The following STK3 variants were observed in gnomAD, a reference collection of about 807,000 sequenced individuals.
STK3 encodes serine/threonine-protein kinase 3.
Under a neutral mutation model 58.0 loss-of-function variants are expected in STK3, and 41 were observed. The observed-to-expected ratio is 0.71, with a 90% CI of 0.55 to 0.92. The LOEUF (loss-of-function observed/expected upper bound fraction) is 0.92. STK3 is among the 40% of genes least tolerant of loss of function. STK3 has a pLI of 0.00. For missense variants in STK3, 479 were observed against 602.7 expected (o/e 0.79, Z 2.15); for synonymous variants, 170 against 191.0 (o/e 0.89, Z 0.91).
At chr8:98,463,149 ATGAGT>A (rs1352118817) in intron 10 of STK3, 2 of 152,198 alleles carry the variant, frequency 1.3e-5, no homozygotes, top group Non-Finnish European at 2.9e-5. Context: ...TTTCCTTGAT[ATGAGT>A]TATCATTATT....
intron 3 of STK3, among the ~76,000 whole-genome samples, chr8:98,876,686 G>C (rs1353671476): frequency 6.6e-6 from 1 of 152,192 alleles, no homozygotes; most frequent in African/African-American, 2.4e-5. Flanking sequence ...TCTAGGACTG[G>C]AACAATGACT....
intron 10 of STK3, among the ~76,000 whole-genome samples, chr8:98,492,339 G>A (rs541259224): frequency 6.6e-6 from 1 of 152,278 alleles, no homozygotes; most frequent in South Asian, 2.1e-4. Flanking sequence ...GGGCAGGCAG[G>A]ATTTAAAGAG....
At chr8:98,561,373 A>G (rs1334166930) in intron 8 of STK3, among the ~76,000 whole-genome samples, 1 of 152,066 alleles carries the variant, frequency 6.6e-6, no homozygotes, top group African/African-American at 2.4e-5. Flanking sequence ...TGCTTCAAAG[A>G]CCCATATAAC....
chr8:98,791,875 T>C (rs1372268492), intron 1 of STK3, among the ~76,000 whole-genome samples: 1 of 152,164 alleles, frequency 6.6e-6, no homozygotes, highest in South Asian at 2.1e-4. Flanking sequence ...GAAGATAACA[T>C]TGGAAAAACT....
At chr8:98,902,031 C>T (rs117686312) in intron 1 of STK3, among the ~76,000 whole-genome samples, 2,658 of 152,282 alleles carry the variant, frequency 0.017, 38 homozygotes, top group South Asian at 0.03. Context: ...CAATTGAGCA[C>T]TCCCTGGTTC....
intron 1 of STK3, among the ~76,000 whole-genome samples, chr8:98,932,605 G>A (rs1405056016): frequency 6.6e-6 from 1 of 152,226 alleles, no homozygotes; most frequent in Non-Finnish European, 1.5e-5. Flanking sequence ...TAGAGGCACA[G>A]TGGCCTGGAG....
chr8:98,429,512 C>T lies in STK3; in HGVS notation n.483+4615G>A, dbSNP rs532766493. 22 of 847,252 alleles carry T rather than the reference C, an allele frequency of 2.6e-5. No individual in the cohort carries two copies. The East Asian group carries it at 5.3e-4, about 20-fold the overall frequency. 52.5% of individuals were successfully genotyped at this position (847,252 alleles called of 1,614,324 possible). A position where few individuals can be genotyped will look rare whatever the true frequency, so the allele number is the denominator to read the frequency against. On this transcript the variant is annotated intron_variant and non_coding_transcript_variant, in intron 3 of 3. Coordinates refer to the STK3 transcript ENST00000517832. Reference sequence around the variant, plus strand: ...TATGGTTATGGTGTAAGGAGTATGCCCAGCCCCTGAGGGGAGAGATGCATG... The same window carrying T: ...TATGGTTATGGTGTAAGGAGTATGCTCAGCCCCTGAGGGGAGAGATGCATG...
intron 10 of STK3, among the ~76,000 whole-genome samples, chr8:98,462,489 T>G (rs1820074861): frequency 1.3e-5 from 2 of 152,098 alleles, no homozygotes. Flanking sequence ...GGAGATAGAG[T>G]GTTTTACTCA....
In STK3 at chr8:98,428,027, C is replaced by T. The variant is rs140515528; in HGVS notation, n.483+6100G>A. 862 of 1,603,684 alleles carry T rather than the reference C, an allele frequency of 5.4e-4. 1 individual carries two copies. Among genetic ancestry groups the T allele is most frequent in the Non-Finnish European group, 6.9e-4 (809 of 1,174,478 alleles). On this transcript the variant is annotated intron_variant and non_coding_transcript_variant, in intron 3 of 3. Transcript: ENST00000517832. This position sits in a 1 kb window ranked among gnomAD's most constrained non-coding sequence, Gnocchi z 6.7. The stretch of plus-strand genomic sequence containing the variant: ...ACGTGTCGGAGGCTAACGTCGAGGA[C>T]GGGGAGATCCGCATCAATGTGGGCG...
rs1830928729 is a variant in STK3, at chr8:98,766,115, G to A, written c.236+1128C>T. Reference sequence around the variant, plus strand: ...TCTTCGTCAGCATTCCAGATTTCCTGGCTCCACTGGCTGAGGAAGATGCCC... The same window carrying A: ...TCTTCGTCAGCATTCCAGATTTCCTAGCTCCACTGGCTGAGGAAGATGCCC... On this transcript the variant is annotated intron_variant, in intron 3 of 10. Coordinates refer to ENST00000419617, the MANE Select transcript of STK3 (RefSeq NM_006281.4). Among the ~76,000 whole-genome samples the A allele has an allele frequency of 2.6e-5, 4 of 152,188 alleles. No homozygotes were observed. The South Asian group carries it at 8.3e-4, about 32-fold the overall frequency.
At chr8:98,700,333 C>T (rs1489192726) in intron 6 of STK3, among the ~76,000 whole-genome samples, 1 of 152,226 alleles carries the variant, frequency 6.6e-6, no homozygotes, top group Non-Finnish European at 1.5e-5. Context: ...GAGGCAATGC[C>T]TCGCCCTGCT....
At chr8:98,698,858 C>T (rs1414716502) in intron 6 of STK3, among the ~76,000 whole-genome samples, 3 of 151,182 alleles carry the variant, frequency 2.0e-5, no homozygotes, top group Non-Finnish European at 3.0e-5. Context: ...TTGCTCTTCT[C>T]GAGGAGTATC....
rs1415006001 is a variant in STK3, at chr8:98,416,451, C to T, written n.484-14938G>A. On this transcript the variant is annotated intron_variant and non_coding_transcript_variant, in intron 3 of 3. Transcript: ENST00000517832. ...TTAGAATGAATGTAATGTAAGGAAA[C>T]ATGTTCCTTTAATATAAACAAGAGC... Among the ~76,000 whole-genome samples the T allele has an allele frequency of 3.3e-5, 4 of 122,220 alleles. No homozygotes were observed. The East Asian group carries it at 8.2e-4, about 25-fold the overall frequency. 80.2% of individuals were successfully genotyped at this position (122,220 alleles called of 152,430 possible).
At chr8:98,427,882 G>A in intron 3 of STK3, 2 of 1,056,776 alleles carry the variant, frequency 1.9e-6, no homozygotes, top group Non-Finnish European at 2.7e-6. Context: ...GGTAGGGAGA[G>A]GGGGCCCCGC....
intron 4 of STK3, among the ~76,000 whole-genome samples, chr8:98,741,794 A>G (rs919685823): frequency 1.3e-5 from 2 of 152,220 alleles, no homozygotes; most frequent in African/African-American, 4.8e-5. Flanking sequence ...TGAATCCAGG[A>G]GCTGGTTTTT....
At chr8:98,799,906 C>A (rs1265516400) in intron 1 of STK3, among the ~76,000 whole-genome samples, 1 of 152,210 alleles carries the variant, frequency 6.6e-6, no homozygotes, top group African/African-American at 2.4e-5. Context: ...CTGCCGAGGC[C>A]TAGACCTCCT....
At chr8:98,780,278 T>C (rs1045361231) in intron 1 of STK3, among the ~76,000 whole-genome samples, 3 of 152,090 alleles carry the variant, frequency 2.0e-5, no homozygotes, top group African/African-American at 7.2e-5. Flanking sequence ...AGAGCCCTTC[T>C]TTCCCACAGT....
At chr8:98,549,100 T>C (rs1206958997) in intron 8 of STK3, among the ~76,000 whole-genome samples, 1 of 152,174 alleles carries the variant, frequency 6.6e-6, no homozygotes, top group African/African-American at 2.4e-5. Context: ...GAATCCCTAT[T>C]TTCAGTTTGG....
chr8:98,771,930 A>G (rs1831338815), intron 2 of STK3, among the ~76,000 whole-genome samples: 1 of 151,952 alleles, frequency 6.6e-6, no homozygotes, highest in Non-Finnish European at 1.5e-5. Context: ...CATTAATTTC[A>G]GCTTTTTCTT....
Sources: allele counts gnomAD v4.1 joint callset (sites outside exome capture counted in the v4.1 genomes callset), GRCh38; gene constraint gnomAD v4.1.1; non-coding constraint Gnocchi (gnomAD v3.1); transcripts MANE v1.5; gene names NCBI Gene and HGNC (gene_info 2026-07-23, HGNC 2026-07-21).